The following NUBPL variants were observed in gnomAD, a reference collection of about 807,000 sequenced individuals.
NUBPL encodes NUBP iron-sulfur cluster assembly factor, mitochondrial.
In NUBPL, 31 loss-of-function variants were observed where a neutral mutation model predicts 45.7. The ratio of observed to expected loss-of-function variants is 0.68; its 90% CI spans 0.51 to 0.92. The LOEUF (loss-of-function observed/expected upper bound fraction) is 0.92. Among genes scored for constraint, NUBPL ranks in the 40% least tolerant of loss-of-function variants. The probability of loss-of-function intolerance (pLI) is 0.00; values close to 1 mark genes in which losing one functional copy is unlikely to be tolerated. For missense variants in NUBPL, 401 were observed against 398.7 expected (o/e 1.01, Z -0.05); for synonymous variants, 144 against 140.9 (o/e 1.02, Z -0.15).
intron 4 of NUBPL, among the ~76,000 whole-genome samples, chr14:31,653,383 C>T (rs1388141692): frequency 6.6e-6 from 1 of 152,132 alleles, no homozygotes; most frequent in African/African-American, 2.4e-5. Flanking sequence ...ACTCCCAGAG[C>T]AGCCGTTTAT....
rs571564431 is a variant in NUBPL at position 31,785,287 on chromosome 14, G to A, written c.514-2493G>A. On this transcript the variant is annotated intron_variant, in intron 6 of 10. Coordinates refer to ENST00000281081, the MANE Select transcript of NUBPL (RefSeq NM_025152.3). Reference sequence around the variant, plus strand: ...AAATAATTTTGTATAGTAAGGCAGGGGTTCCCAACCCTTAGCCCACAGACC... The same window carrying A: ...AAATAATTTTGTATAGTAAGGCAGGAGTTCCCAACCCTTAGCCCACAGACC... Among the ~76,000 whole-genome samples, 162 of 152,202 alleles carry A rather than the reference G, an allele frequency of 1.1e-3. 2 individuals are homozygous for A. The Middle Eastern group carries it at 0.024, about 22-fold the overall frequency.
chr14:31,592,959 A>G, intron 3 of NUBPL, among the ~76,000 whole-genome samples: 1 of 152,186 alleles, frequency 6.6e-6, no homozygotes, highest in East Asian at 1.9e-4. Flanking sequence ...GAGATAGTAA[A>G]CAATAGGTAA....
At chr14:31,695,398 A>C (rs956668652) in intron 6 of NUBPL, among the ~76,000 whole-genome samples, 3 of 145,652 alleles carry the variant, frequency 2.1e-5, no homozygotes, top group Non-Finnish European at 4.5e-5. Flanking sequence ...ACCAAAAATT[A>C]CTGCAACTTT....
chr14:31,748,693 A>G (rs112806463), intron 6 of NUBPL, among the ~76,000 whole-genome samples: 16,768 of 151,916 alleles, frequency 0.11, 1,225 homozygotes, highest in Non-Finnish European at 0.17. Flanking sequence ...GCTCACTGCA[A>G]CCTCTGCCTC....
intron 4 of NUBPL, among the ~76,000 whole-genome samples, chr14:31,633,109 A>G (rs946239380): frequency 5.9e-5 from 9 of 152,222 alleles, no homozygotes; most frequent in Non-Finnish European, 7.3e-5. Flanking sequence ...TGGAGCATCC[A>G]GGAAAGATGC....
chr14:31,743,863 G>A (rs2038338938), intron 6 of NUBPL, among the ~76,000 whole-genome samples: 1 of 152,184 alleles, frequency 6.6e-6, no homozygotes, highest in Non-Finnish European at 1.5e-5. Context: ...CTGGAAAATA[G>A]AAAATGTTGT....
chr14:31,665,946 C>T (rs2036399613), intron 4 of NUBPL, among the ~76,000 whole-genome samples: 1 of 150,996 alleles, frequency 6.6e-6, no homozygotes, highest in Non-Finnish European at 1.5e-5. Context: ...TAAGATAATG[C>T]TTCTTGTTGC....
At chr14:31,697,947 T>A (rs994202442) in intron 6 of NUBPL, among the ~76,000 whole-genome samples, 5 of 152,124 alleles carry the variant, frequency 3.3e-5, no homozygotes, top group African/African-American at 2.4e-5. Context: ...AAAAGCCTAC[T>A]GGGGCTATTT....
chr14:31,704,225 CA>C (rs1735581107), intron 6 of NUBPL, among the ~76,000 whole-genome samples: 1 of 152,140 alleles, frequency 6.6e-6, no homozygotes, highest in African/African-American at 2.4e-5. Flanking sequence ...CCAAGGGAGA[CA>C]GGGGCAGGAT....
intron 6 of NUBPL, among the ~76,000 whole-genome samples, chr14:31,689,924 T>C (rs1444012818): frequency 5.1e-5 from 2 of 39,316 alleles, no homozygotes; most frequent in African/African-American, 2.1e-4. Flanking sequence ...GGGAGTCCTT[T>C]CCCCATTGTT....
intron 4 of NUBPL, among the ~76,000 whole-genome samples, chr14:31,658,331 G>A (rs1443143): frequency 0.29 from 44,742 of 151,964 alleles, 7,467 homozygotes; most frequent in South Asian, 0.41. Context: ...ACTTTGGGCA[G>A]GTTAGTTTAA....
chr14:31,653,592 CT>C (rs1287287318), intron 4 of NUBPL, among the ~76,000 whole-genome samples: 1 of 152,148 alleles, frequency 6.6e-6, no homozygotes, highest in Non-Finnish European at 1.5e-5. Flanking sequence ...CTGAAAATCG[CT>C]GTTATTCTGT....
chr14:31,620,793 A>G (rs2035038724), intron 4 of NUBPL, among the ~76,000 whole-genome samples: 1 of 152,200 alleles, frequency 6.6e-6, no homozygotes, highest in South Asian at 2.1e-4. Flanking sequence ...TCTGCACCTT[A>G]TCAGAGCTCG....
At chr14:31,666,113 T>C (rs2036404664) in intron 4 of NUBPL, among the ~76,000 whole-genome samples, 1 of 150,424 alleles carries the variant, frequency 6.6e-6, no homozygotes, top group South Asian at 2.1e-4. Context: ...TGAGCCTATG[T>C]GTGTCTTTGC....
chr14:31,605,700 G>GCTTCTTTCTTCTTTCTT (rs1451453817), intron 4 of NUBPL, among the ~76,000 whole-genome samples: 3 of 152,096 alleles, frequency 2.0e-5, no homozygotes, highest in Non-Finnish European at 4.4e-5. Context: ...GAGATCTTCT[G>GCTTCTTTCTTCTTTCTT]CTTCTTTCTT....
At chr14:31,637,737 G>C (rs181366857) in intron 4 of NUBPL, among the ~76,000 whole-genome samples, 4 of 152,250 alleles carry the variant, frequency 2.6e-5, no homozygotes, top group Admixed American at 1.3e-4. Context: ...TCTCTTTGTA[G>C]GTCACTCAGG....
chr14:31,655,681 C>T (rs953940284), intron 4 of NUBPL, among the ~76,000 whole-genome samples: 2 of 152,188 alleles, frequency 1.3e-5, no homozygotes, highest in Admixed American at 1.3e-4. Flanking sequence ...CCACTGCACT[C>T]TAGCCTGGGT....
At chr14:31,590,850 T>C (rs1188698699) in intron 3 of NUBPL, among the ~76,000 whole-genome samples, 1 of 152,194 alleles carries the variant, frequency 6.6e-6, no homozygotes, top group Non-Finnish European at 1.5e-5. Context: ...AGACTTTACT[T>C]ACTAAGGGCA....
chr14:31,741,059 T>TA (rs894650088), intron 6 of NUBPL, among the ~76,000 whole-genome samples: 7 of 152,210 alleles, frequency 4.6e-5, no homozygotes, highest in Non-Finnish European at 8.8e-5. Context: ...AATCACAGTT[T>TA]AAAAAAATGT....
Sources: allele counts gnomAD v4.1 joint callset (sites outside exome capture counted in the v4.1 genomes callset), GRCh38; gene constraint gnomAD v4.1.1; transcripts MANE v1.5; gene names NCBI Gene and HGNC (gene_info 2026-07-23, HGNC 2026-07-21).